The following CRACD variants were observed in gnomAD, a reference collection of about 807,000 sequenced individuals.
CRACD encodes capping protein inhibiting regulator of actin dynamics, also known as capping protein-inhibiting regulator of actin dynamics.
A neutral mutation model predicts 106.8 loss-of-function variants in CRACD; 56 were observed. The ratio of observed to expected loss-of-function variants is 0.52; its 90% confidence interval spans 0.42 to 0.66. The LOEUF is 0.66. Among genes scored for constraint, CRACD ranks in the 30% least tolerant of loss-of-function variants. The pLI, the probability that CRACD is intolerant of heterozygous loss-of-function variation, is 0.00. For missense variants in CRACD, 1,730 were observed against 1,623.2 expected (o/e 1.07, Z -1.13); for synonymous variants, 754 against 670.8 (o/e 1.12, Z -1.92).
chr4:56,116,679 T>C (rs1237414504), intron 1 of CRACD, among the ~76,000 whole-genome samples: 1 of 152,214 alleles, frequency 6.6e-6, no homozygotes, highest in Non-Finnish European at 1.5e-5. Context: ...TTTTTGTTTT[T>C]TTCCAAGTGA....
In CRACD at chr4:56,287,048, C is replaced by G. The variant is rs148889669; in HGVS notation, c.-16-11166C>G. On this transcript the variant is annotated intron_variant, in intron 3 of 10. Transcript: ENST00000682029. ...ACAACTTTAAGCACAGAAACAAGCC[C>G]TTCAAAACGCCCTGTATTTTGATGT... Among the ~76,000 whole-genome samples the G allele has an allele frequency of 5.1e-3, 771 of 152,278 alleles. 8 individuals are homozygous for G. Among genetic ancestry groups the G allele is most frequent in the African/African-American group, 0.018 (739 of 41,566 alleles).
At chr4:56,057,203 A>G (rs1019308907) in intron 1 of CRACD, among the ~76,000 whole-genome samples, 1 of 152,206 alleles carries the variant, frequency 6.6e-6, no homozygotes, top group South Asian at 2.1e-4. Flanking sequence ...GAGAAGGCTA[A>G]GGTTCAGAGG....
At chr4:56,139,845 G>GT (rs1407831503) in intron 1 of CRACD, among the ~76,000 whole-genome samples, 2 of 151,956 alleles carry the variant, frequency 1.3e-5, no homozygotes, top group Non-Finnish European at 2.9e-5. Context: ...AAAAAAATCC[G>GT]TAACTATTCT....
chr4:56,293,771 G>A (rs540375742), intron 3 of CRACD, among the ~76,000 whole-genome samples: 19 of 152,302 alleles, frequency 1.2e-4, no homozygotes, highest in Non-Finnish European at 2.4e-4. Flanking sequence ...ATGCTGAACC[G>A]TTCATGAGAA....
chr4:56,117,973 G>A (rs1193321525), intron 1 of CRACD, among the ~76,000 whole-genome samples: 3 of 151,994 alleles, frequency 2.0e-5, no homozygotes, highest in Non-Finnish European at 4.4e-5. Context: ...TATCCAGGCT[G>A]GTCTCGAACT....
intron 1 of CRACD, among the ~76,000 whole-genome samples, chr4:56,063,276 C>T (rs533425507): frequency 3.3e-5 from 5 of 152,174 alleles, no homozygotes; most frequent in African/African-American, 9.6e-5. Context: ...TTACCACAGC[C>T]TCGACCTCTT....
chr4:56,174,375 T>C (rs1736497405), intron 1 of CRACD, among the ~76,000 whole-genome samples: 1 of 152,198 alleles, frequency 6.6e-6, no homozygotes, highest in Admixed American at 6.5e-5. Context: ...CCTATTATGC[T>C]ACTGAACACT....
At chr4:56,294,042 A>G (rs2109708096) in intron 3 of CRACD, among the ~76,000 whole-genome samples, 1 of 152,272 alleles carries the variant, frequency 6.6e-6, no homozygotes, top group South Asian at 2.1e-4. Flanking sequence ...ACTAGGGAAG[A>G]TGGCAAGAAC....
chr4:56,266,458 A>G (rs1455560180), intron 2 of CRACD, among the ~76,000 whole-genome samples: 1 of 152,204 alleles, frequency 6.6e-6, no homozygotes, highest in African/African-American at 2.4e-5. Flanking sequence ...CCTTCTTCCC[A>G]CTGCCCAACC....
At chr4:56,307,204 A>G (rs1168163324) in intron 4 of CRACD, among the ~76,000 whole-genome samples, 1 of 152,144 alleles carries the variant, frequency 6.6e-6, no homozygotes, top group Admixed American at 6.5e-5. Context: ...TTAATGAAAA[A>G]TTTTTGTCAT....
At chr4:56,106,981 A>G (rs1733966540) in intron 1 of CRACD, among the ~76,000 whole-genome samples, 2 of 152,170 alleles carry the variant, frequency 1.3e-5, no homozygotes, top group South Asian at 4.2e-4. Context: ...TTATTTATTT[A>G]TTTTTAAGAG....
intron 1 of CRACD, among the ~76,000 whole-genome samples, chr4:56,115,333 G>C (rs1734242627): frequency 6.6e-6 from 1 of 152,094 alleles, no homozygotes; most frequent in South Asian, 2.1e-4. Flanking sequence ...CTAAATCCCA[G>C]AATATCAATG....
intron 1 of CRACD, among the ~76,000 whole-genome samples, chr4:56,173,718 C>T (rs1736471700): frequency 6.6e-6 from 1 of 152,182 alleles, no homozygotes; most frequent in Admixed American, 6.5e-5. Context: ...TTTGCTTTCA[C>T]TTCTTTTGCA....
intron 1 of CRACD, among the ~76,000 whole-genome samples, chr4:56,138,446 T>C (rs1160286652): frequency 6.6e-6 from 1 of 151,976 alleles, no homozygotes; most frequent in East Asian, 1.9e-4. Context: ...GCCTGGGTGA[T>C]AGAGCAACAC....
intron 1 of CRACD, among the ~76,000 whole-genome samples, chr4:56,060,881 A>G (rs1347001871): frequency 6.6e-6 from 1 of 152,206 alleles, no homozygotes; most frequent in African/African-American, 2.4e-5. Flanking sequence ...TCTATAAGCC[A>G]GGAAATGGAC....
chr4:56,317,913 T>C (rs551498530), intron 8 of CRACD, among the ~76,000 whole-genome samples: 1 of 152,288 alleles, frequency 6.6e-6, no homozygotes, highest in African/African-American at 2.4e-5. Context: ...CAGAGAACCT[T>C]CATCTAATAC....
chr4:56,154,073 G>A (rs1011941969), intron 1 of CRACD, among the ~76,000 whole-genome samples: 1 of 152,238 alleles, frequency 6.6e-6, no homozygotes, highest in East Asian at 1.9e-4. Flanking sequence ...TTAGAAGAGA[G>A]TCACTGTGGT....
At chr4:56,116,115 G>C (rs1195758608) in intron 1 of CRACD, among the ~76,000 whole-genome samples, 1 of 152,172 alleles carries the variant, frequency 6.6e-6, no homozygotes, top group Non-Finnish European at 1.5e-5. Flanking sequence ...AATTGCACCA[G>C]GCTTAAGCTG....
intron 1 of CRACD, among the ~76,000 whole-genome samples, chr4:56,128,163 T>C (rs1410778655): frequency 6.6e-6 from 1 of 152,038 alleles, no homozygotes; most frequent in Non-Finnish European, 1.5e-5. Context: ...GGGAGGGGGC[T>C]GAAAGTTTTA....
Sources: gnomAD v4.1 joint callset for allele counts (sites outside exome capture counted in the v4.1 genomes callset) on GRCh38, gnomAD v4.1.1 for gene constraint, MANE v1.5 for transcripts, NCBI Gene and HGNC (gene_info 2026-07-23, HGNC 2026-07-21) for gene names.